UBAC2: variants seen among roughly 807,000 people sequenced by gnomAD.
The protein encoded by UBAC2 is ubiquitin-associated domain-containing protein 2.
A neutral mutation model predicts 44.0 loss-of-function variants in UBAC2; 26 were observed. The ratio of observed to expected loss-of-function variants is 0.59; its 90% CI spans 0.43 to 0.82. The LOEUF (loss-of-function observed/expected upper bound fraction) is 0.82, where lower values mean the gene tolerates loss of function less well. UBAC2 is among the 40% of genes least tolerant of loss of function. UBAC2 has a pLI of 0.00. For synonymous variants in UBAC2, 155 were observed against 154.3 expected (o/e 1.00, Z -0.04); for missense variants, 329 against 419.4 (o/e 0.78, Z 1.88).
rs1365795806 is a variant in UBAC2 at position 99,331,624 on chromosome 13, GTC to G, written c.562-8693_562-8692del. ...CACTTTTGCACTTAAAGAATAGCAA[GTC>G]TCAGAGTAACTGCCAAAGGCACATG... On this transcript the variant is annotated intron_variant, in intron 6 of 8. Coordinates refer to ENST00000403766, the MANE Select transcript of UBAC2 (RefSeq NM_001144072.2). 3.3e-5 allele frequency among the ~76,000 whole-genome samples: 5 copies of G among 152,326 alleles called. No homozygotes were observed. The East Asian group carries it at 9.6e-4, about 29-fold the overall frequency.
intron 4 of UBAC2, among the ~76,000 whole-genome samples, chr13:99,300,681 A>G (rs961818216): frequency 6.6e-6 from 1 of 152,204 alleles, no homozygotes; most frequent in African/African-American, 2.4e-5. Context: ...GAATACAGAG[A>G]TGGTACCTTT....
chr13:99,311,144 G>A (rs1440689758), intron 4 of UBAC2, among the ~76,000 whole-genome samples: 1 of 152,144 alleles, frequency 6.6e-6, no homozygotes, highest in East Asian at 1.9e-4. Flanking sequence ...TAGACAGTGG[G>A]AATAAAACAA....
chr13:99,250,840 A>C (rs960749001), intron 4 of UBAC2, among the ~76,000 whole-genome samples: 3 of 151,858 alleles, frequency 2.0e-5, no homozygotes, highest in African/African-American at 7.3e-5. Context: ...TCCGCCTCCC[A>C]GGTTCAAGCA....
intron 4 of UBAC2, chr13:99,258,180 G>A (rs1213459849): frequency 2.0e-5 from 3 of 152,256 alleles, no homozygotes; most frequent in Non-Finnish European, 2.9e-5. Context: ...GTCTGTGTGA[G>A]AGATGAGCAT....
At chr13:99,332,422 G>A (rs1479703204) in intron 6 of UBAC2, among the ~76,000 whole-genome samples, 2 of 152,164 alleles carry the variant, frequency 1.3e-5, no homozygotes, top group African/African-American at 4.8e-5. Context: ...TGTAATTGAC[G>A]TCCATGTTTA....
At chr13:99,268,985 G>A (rs1418202809) in intron 4 of UBAC2, among the ~76,000 whole-genome samples, 1 of 152,158 alleles carries the variant, frequency 6.6e-6, no homozygotes, top group African/African-American at 2.4e-5. Context: ...TAAATAAGGG[G>A]GGAATGGCCT....
At chr13:99,366,792 C>A (rs1036759549) in intron 7 of UBAC2, among the ~76,000 whole-genome samples, 1 of 152,100 alleles carries the variant, frequency 6.6e-6, no homozygotes, top group Admixed American at 6.5e-5. Flanking sequence ...GGCCTCTGCT[C>A]CCCCGTCTCC....
chr13:99,291,822 G>C (rs1178776561), intron 4 of UBAC2, among the ~76,000 whole-genome samples: 1 of 151,966 alleles, frequency 6.6e-6, no homozygotes, highest in African/African-American at 2.4e-5. Flanking sequence ...ATTTCAGTAG[G>C]GCTTTAGAAT....
intron 1 of UBAC2, among the ~76,000 whole-genome samples, chr13:99,217,254 A>G (rs1472125431): frequency 6.6e-6 from 1 of 152,124 alleles, no homozygotes; most frequent in Non-Finnish European, 1.5e-5. Context: ...CCCTCCATCC[A>G]TTAGGTGCTG....
intron 1 of UBAC2, among the ~76,000 whole-genome samples, chr13:99,227,252 G>A (rs1439842674): frequency 6.6e-6 from 1 of 151,704 alleles, no homozygotes; most frequent in Non-Finnish European, 1.5e-5. Context: ...CGGTTATGCT[G>A]CAGTAGCAAA....
intron 5 of UBAC2, chr13:99,314,764 C>T (rs1271659487): frequency 6.6e-6 from 1 of 152,408 alleles, no homozygotes; most frequent in East Asian, 1.9e-4. Context: ...TACTAGAGTA[C>T]TACTGTCCAG....
At chr13:99,315,125 G>A (rs894920217) in intron 5 of UBAC2, among the ~76,000 whole-genome samples, 29 of 152,100 alleles carry the variant, frequency 1.9e-4, no homozygotes, top group African/African-American at 6.3e-4. Flanking sequence ...CATCTGGGGC[G>A]TTTTCTTACC....
chr13:99,304,134 T>C (rs2044296226), intron 4 of UBAC2, among the ~76,000 whole-genome samples: 1 of 152,136 alleles, frequency 6.6e-6, no homozygotes, highest in Admixed American at 6.5e-5. Context: ...CTCCATTCCT[T>C]CTTCAGGAGG....
chr13:99,239,778 A>T (rs2043279479), intron 2 of UBAC2, among the ~76,000 whole-genome samples: 2 of 152,244 alleles, frequency 1.3e-5, no homozygotes, highest in South Asian at 2.1e-4. Context: ...TGTATTCATG[A>T]GAGATATGGG....
intron 6 of UBAC2, among the ~76,000 whole-genome samples, chr13:99,322,420 G>A (rs2044580428): frequency 6.6e-6 from 1 of 152,138 alleles, no homozygotes; most frequent in Non-Finnish European, 1.5e-5. Context: ...CTCAAAAGCC[G>A]AGGTCTCAGG....
chr13:99,351,948 C>A (rs115414046), intron 7 of UBAC2: 7 of 350,244 alleles, frequency 2.0e-5, no homozygotes, highest in African/African-American at 1.3e-4. Flanking sequence ...CAGTTACTTT[C>A]GCAGCATTTG....
chr13:99,373,697 G>A (rs944882406), intron 8 of UBAC2, among the ~76,000 whole-genome samples: 4 of 152,156 alleles, frequency 2.6e-5, no homozygotes, highest in African/African-American at 4.8e-5. Flanking sequence ...GGGGAGCCAC[G>A]GATGGGTGGG....
At chr13:99,348,055 A>G (rs1189918396) in intron 7 of UBAC2, among the ~76,000 whole-genome samples, 2 of 152,174 alleles carry the variant, frequency 1.3e-5, no homozygotes, top group Non-Finnish European at 2.9e-5. Flanking sequence ...AGCAGGTGGC[A>G]TCTCAGAGTC....
chr13:99,255,373 G>C (rs1174824371), intron 4 of UBAC2: 1 of 1,614,040 alleles, frequency 6.2e-7, no homozygotes, highest in African/African-American at 1.3e-5. Context: ...GGCGGGAGTG[G>C]AGTCTTTATC....
Sources: gnomAD v4.1 joint callset for allele counts (sites outside exome capture counted in the v4.1 genomes callset) on GRCh38, gnomAD v4.1.1 for gene constraint, MANE v1.5 for transcripts, NCBI Gene and HGNC (gene_info 2026-07-23, HGNC 2026-07-21) for gene names.